The following KALRN variants were observed in gnomAD, a reference collection of about 807,000 sequenced individuals.
KALRN encodes the protein kalirin RhoGEF kinase, also known as kalirin.
KALRN carries 70 observed loss-of-function variants against 353.7 expected under a neutral mutation model. The ratio of observed to expected loss-of-function variants is 0.20; its 90% confidence interval spans 0.16 to 0.24. The LOEUF (loss-of-function observed/expected upper bound fraction) is 0.24, where lower values mean the gene tolerates loss of function less well. KALRN is among the 10% of genes least tolerant of loss of function. The probability of loss-of-function intolerance (pLI) is 1.00; values close to 1 mark genes in which losing one functional copy is unlikely to be tolerated. For missense variants in KALRN, 2,791 were observed against 3,756.7 expected, an observed-to-expected ratio of 0.74 and a Z score of 6.72; for synonymous variants, 1,391 against 1,434.8, an observed-to-expected ratio of 0.97 and a Z score of 0.69.
chr3:124,470,747 AC>A, intron 25 of KALRN, among the ~76,000 whole-genome samples: 1 of 150,732 alleles, frequency 6.6e-6, no homozygotes, highest in Non-Finnish European at 1.5e-5. Context: ...CAGGTGTGGG[AC>A]CGCTAACTAG....
chr3:124,282,390 T>TTTC, intron 5 of KALRN, among the ~76,000 whole-genome samples: 1 of 151,520 alleles, frequency 6.6e-6, no homozygotes, highest in Non-Finnish European at 1.5e-5. Flanking sequence ...TTTTTTTTTT[T>TTTC]TTTTTGAGAT....
chr3:124,317,820 T>G (rs2078961345), intron 6 of KALRN, among the ~76,000 whole-genome samples: 1 of 151,640 alleles, frequency 6.6e-6, no homozygotes, highest in African/African-American at 2.4e-5. Context: ...ATTTCAACCT[T>G]AAAGGTAGCC....
intron 1 of KALRN, among the ~76,000 whole-genome samples, chr3:124,159,506 C>T (rs915134953): frequency 2.0e-5 from 3 of 151,142 alleles, no homozygotes; most frequent in Non-Finnish European, 2.9e-5. Context: ...TCATGAGCTC[C>T]AGTGATCCAC....
chr3:124,672,568 G>T (rs1016866567), intron 48 of KALRN, among the ~76,000 whole-genome samples: 5 of 152,162 alleles, frequency 3.3e-5, no homozygotes, highest in Non-Finnish European at 4.4e-5. Flanking sequence ...AAGGGAAGTC[G>T]ATCATCAGTG....
chr3:124,370,154 A>G (rs2085637704), intron 10 of KALRN, among the ~76,000 whole-genome samples: 1 of 152,218 alleles, frequency 6.6e-6, no homozygotes, highest in African/African-American at 2.4e-5. Flanking sequence ...CCATCCCTAA[A>G]GAACCAAAGG....
intron 1 of KALRN, among the ~76,000 whole-genome samples, chr3:124,220,257 T>C (rs2150600187): frequency 6.6e-6 from 1 of 152,216 alleles, no homozygotes; most frequent in African/African-American, 2.4e-5. Context: ...GTAGCTGTTT[T>C]AAGGAGAACT....
At chr3:124,627,429 A>C (rs1377408733) in intron 34 of KALRN, among the ~76,000 whole-genome samples, 1 of 152,254 alleles carries the variant, frequency 6.6e-6, no homozygotes, top group Non-Finnish European at 1.5e-5. Context: ...AAATGACAAC[A>C]GGGGAAGAGG....
chr3:124,233,553 A>G (rs1202424946), intron 2 of KALRN, among the ~76,000 whole-genome samples: 2 of 152,058 alleles, frequency 1.3e-5, no homozygotes, highest in African/African-American at 4.8e-5. Context: ...ATCTTATGTA[A>G]TCCTTTTCTC....
intron 1 of KALRN, among the ~76,000 whole-genome samples, chr3:124,218,293 T>A (rs1339982124): frequency 6.6e-6 from 1 of 152,136 alleles, no homozygotes; most frequent in Non-Finnish European, 1.5e-5. Flanking sequence ...ATATTATTGA[T>A]ATTTGTGCTG....
At chr3:124,573,468 G>A (rs555524731) in intron 34 of KALRN, among the ~76,000 whole-genome samples, 1 of 152,128 alleles carries the variant, frequency 6.6e-6, no homozygotes, top group Admixed American at 6.5e-5. Context: ...TTGTTCAAGG[G>A]GTCAGGGTTC....
chr3:124,643,837 T>C (rs1578598023), intron 37 of KALRN, among the ~76,000 whole-genome samples: 1 of 152,320 alleles, frequency 6.6e-6, no homozygotes, highest in East Asian at 1.9e-4. Context: ...GAGATACCCA[T>C]AGATAGTAGA....
At chr3:124,241,665 G>A (rs907006512) in intron 3 of KALRN, among the ~76,000 whole-genome samples, 13 of 152,264 alleles carry the variant, frequency 8.5e-5, no homozygotes, top group Admixed American at 2.0e-4. Context: ...ATTTGGTTGC[G>A]TCTCCTTCTA....
chr3:124,179,657 C>T (rs979758688), intron 1 of KALRN, among the ~76,000 whole-genome samples: 22 of 152,184 alleles, frequency 1.4e-4, no homozygotes, highest in Admixed American at 7.9e-4. Context: ...TCACCACATA[C>T]GTGAGTAATG....
intron 33 of KALRN, among the ~76,000 whole-genome samples, chr3:124,545,974 G>A (rs908503416): frequency 2.0e-5 from 3 of 152,152 alleles, no homozygotes; most frequent in Admixed American, 6.5e-5. Context: ...AATTTTTTCC[G>A]TAAGTCGTCT....
intron 9 of KALRN, among the ~76,000 whole-genome samples, chr3:124,346,812 T>C (rs1450241013): frequency 6.6e-6 from 1 of 152,174 alleles, no homozygotes; most frequent in Non-Finnish European, 1.5e-5. Flanking sequence ...CTTTATGTGA[T>C]TGGGTAGAAG....
intron 34 of KALRN, among the ~76,000 whole-genome samples, chr3:124,575,768 T>C (rs2074029431): frequency 6.6e-6 from 1 of 152,190 alleles, no homozygotes; most frequent in Non-Finnish European, 1.5e-5. Flanking sequence ...ATGTTTCCCC[T>C]GGGCCACAGT....
chr3:124,560,986 C>T (rs1336508056), intron 33 of KALRN, among the ~76,000 whole-genome samples: 2 of 152,322 alleles, frequency 1.3e-5, no homozygotes, highest in South Asian at 2.1e-4. Flanking sequence ...ATTTTATTAG[C>T]TCTCCACATG....
At chr3:124,250,880 G>A (rs2071051703) in intron 3 of KALRN, among the ~76,000 whole-genome samples, 1 of 152,174 alleles carries the variant, frequency 6.6e-6, no homozygotes, top group Non-Finnish European at 1.5e-5. Context: ...GAGGGAGGGT[G>A]GGAAATAGGG....
intron 10 of KALRN, among the ~76,000 whole-genome samples, chr3:124,359,056 A>AC (rs928765953): frequency 4.6e-5 from 7 of 152,092 alleles, no homozygotes; most frequent in African/African-American, 1.7e-4. Flanking sequence ...TGGCTGTAGG[A>AC]CCCCTAAGTG....
Sources: allele counts gnomAD v4.1 joint callset (sites outside exome capture counted in the v4.1 genomes callset), GRCh38; gene constraint gnomAD v4.1.1; transcripts MANE v1.5; gene names NCBI Gene and HGNC (gene_info 2026-07-23, HGNC 2026-07-21).